Variants in GPHN observed in about 807,000 individuals in gnomAD.
GPHN encodes gephyrin.
Under a neutral mutation model 95.5 loss-of-function variants are expected in GPHN, and 17 were observed. The observed-to-expected ratio is 0.18, with a 90% CI of 0.12 to 0.27. The LOEUF (loss-of-function observed/expected upper bound fraction) is 0.27, where lower values mean the gene tolerates loss of function less well. GPHN is among the 10% of genes least tolerant of loss of function. GPHN has a pLI of 1.00. For synonymous variants in GPHN, 320 were observed against 322.5 expected (o/e 0.99, Z 0.08); for missense variants, 660 against 978.1 (o/e 0.67, Z 4.34).
chr14:67,567,244 G>A, the GPHN span, among the ~76,000 whole-genome samples: 2 of 152,306 alleles, frequency 1.3e-5, no homozygotes, highest in South Asian at 2.1e-4. Context: ...TGGGGAGGGC[G>A]GTGGGGGAAT....
At chr14:67,135,747 T>TC (rs2080040504) in intron 17 of GPHN, among the ~76,000 whole-genome samples, 1 of 152,122 alleles carries the variant, frequency 6.6e-6, no homozygotes, top group African/African-American at 2.4e-5. Context: ...AATTTCCAAG[T>TC]CCAACTCTTC....
At chr14:66,908,846 C>CAAA (rs111376119) in intron 5 of GPHN, among the ~76,000 whole-genome samples, 3 of 121,384 alleles carry the variant, frequency 2.5e-5, no homozygotes, top group Non-Finnish European at 5.3e-5. Flanking sequence ...GGGCATTCTG[C>CAAA]AAAAAAAAAA....
the GPHN span, among the ~76,000 whole-genome samples, chr14:67,318,662 T>A: frequency 1.4e-3 from 220 of 152,322 alleles, 4 homozygotes; most frequent in Non-Finnish European, 2.6e-3. Flanking sequence ...TGAATATTTT[T>A]AAATAAATAA....
chr14:67,297,079 C>T, the GPHN span, among the ~76,000 whole-genome samples: 31 of 152,182 alleles, frequency 2.0e-4, no homozygotes, highest in Admixed American at 1.9e-3. Context: ...AATAATACCA[C>T]ATGTGTGACA....
Position 67,137,263 on chromosome 14 carries a change from A to G in GPHN, c.1749-6099A>G, listed in dbSNP as rs535896865. Among the ~76,000 whole-genome samples the G allele has an allele frequency of 2.6e-5, 4 of 151,538 alleles. No homozygotes were observed. The South Asian group carries it at 6.2e-4, about 24-fold the overall frequency. Reference sequence around the variant, plus strand: ...CAGGTTCATGCCATTCTCCTGCCTCAGCCTCCCGAGTAGCTGGGACTACAG... The same window carrying G: ...CAGGTTCATGCCATTCTCCTGCCTCGGCCTCCCGAGTAGCTGGGACTACAG... On this transcript the variant is annotated intron_variant, in intron 17 of 22. Transcript: ENST00000478722.
At chr14:66,687,114 T>G (rs7143555) in intron 2 of GPHN, among the ~76,000 whole-genome samples, 47,261 of 151,974 alleles carry the variant, frequency 0.31, 11,165 homozygotes, top group African/African-American at 0.64. Flanking sequence ...CTTGATCATG[T>G]TGGATAAGCT....
chr14:66,855,468 T>C (rs1213433154), intron 4 of GPHN, among the ~76,000 whole-genome samples: 1 of 152,210 alleles, frequency 6.6e-6, no homozygotes, highest in Non-Finnish European at 1.5e-5. Flanking sequence ...ACTTTATTGC[T>C]TTTTATGCCT....
Position 66,597,198 on chromosome 14 carries a change from C to T in GPHN, c.65-83909C>T, listed in dbSNP as rs116704579. Reference sequence around the variant, plus strand: ...GGCCCGAAGGCGAGAAGAGACAAACCGGGTTATTGGAAGACATGGATCAAA... The same window carrying T: ...GGCCCGAAGGCGAGAAGAGACAAACTGGGTTATTGGAAGACATGGATCAAA... On this transcript the variant is annotated intron_variant, in intron 1 of 22. Coordinates refer to ENST00000478722, the MANE Select transcript of GPHN (RefSeq NM_020806.5). Among the ~76,000 whole-genome samples, 1,131 of 152,144 alleles carry T rather than the reference C, an allele frequency of 7.4e-3. 7 individuals are homozygous for T. Among genetic ancestry groups the T allele is most frequent in the African/African-American group, 0.026 (1,062 of 41,516 alleles).
chr14:66,816,638 G>T (rs909720774), intron 3 of GPHN, among the ~76,000 whole-genome samples: 2 of 151,986 alleles, frequency 1.3e-5, no homozygotes, highest in Non-Finnish European at 2.9e-5. Flanking sequence ...AGAATCTCTG[G>T]GACACAGATA....
rs1416186338 is a variant in GPHN at position 67,180,708 on chromosome 14, G to A, written c.2177-96G>A. The stretch of plus-strand genomic sequence containing the variant: ...TCATCCCTTCTCCTCTTGAAGACCC[G>A]CATTTCTGTCTGTTTACATTTTGAA... On this transcript the variant is annotated intron_variant, in intron 22 of 22. Transcript: ENST00000478722. 2.4e-5 allele frequency: 29 copies of A among 1,205,738 alleles called. No homozygotes were observed. The East Asian group carries it at 3.3e-4, about 14-fold the overall frequency. 74.7% of individuals were successfully genotyped at this position (1,205,738 alleles called of 1,614,324 possible).
chr14:66,684,105 G>A (rs1566814175), intron 2 of GPHN, among the ~76,000 whole-genome samples: 1 of 152,074 alleles, frequency 6.6e-6, no homozygotes, highest in Non-Finnish European at 1.5e-5. Flanking sequence ...ATTAGAATAA[G>A]ATGTGTGTTG....
chr14:67,672,449 T>TTC, the GPHN span, among the ~76,000 whole-genome samples: 3 of 111,914 alleles, frequency 2.7e-5, no homozygotes, highest in Admixed American at 1.8e-4. Context: ...TTTCTTTTCT[T>TTC]TTTTTTTTTT....
chr14:67,560,071 G>C, the GPHN span, among the ~76,000 whole-genome samples: 1 of 152,158 alleles, frequency 6.6e-6, no homozygotes, highest in Admixed American at 6.5e-5. Flanking sequence ...CTCTCGCCCA[G>C]GCTGGAGTGT....
At chr14:66,542,720 C>T (rs1159480315) in intron 1 of GPHN, among the ~76,000 whole-genome samples, 1 of 152,182 alleles carries the variant, frequency 6.6e-6, no homozygotes, top group African/African-American at 2.4e-5. Context: ...TACCAGATAA[C>T]AGTTATTTGC....
chr14:67,582,146 T>C, the GPHN span: 1 of 1,613,656 alleles, frequency 6.2e-7, no homozygotes, highest in Non-Finnish European at 8.5e-7. The surrounding 1 kb of genome is among the most constrained non-coding windows in gnomAD (Gnocchi z 5.0). Flanking sequence ...AGTAGAGAGA[T>C]AGTGGCAGGG....
chr14:66,674,692 A>G (rs1430995776), intron 1 of GPHN, among the ~76,000 whole-genome samples: 1 of 152,170 alleles, frequency 6.6e-6, no homozygotes, highest in Non-Finnish European at 1.5e-5. Context: ...TATATACGAC[A>G]CATCATTCTC....
chr14:66,776,375 G>T, intron 2 of GPHN, 89 bp from the exon 3 acceptor site: 1 of 822,348 alleles, frequency 1.2e-6, no homozygotes, highest in South Asian at 1.3e-5. Flanking sequence ...GGGAGTTATT[G>T]GTAGCATTCT....
the GPHN span, among the ~76,000 whole-genome samples, chr14:67,229,192 C>T: frequency 6.6e-6 from 1 of 152,204 alleles, no homozygotes; most frequent in Non-Finnish European, 1.5e-5. Context: ...AACAGCCAAG[C>T]TAAACGCAAA....
At chr14:66,610,460 T>A (rs1318821998) in intron 1 of GPHN, among the ~76,000 whole-genome samples, 2 of 152,056 alleles carry the variant, frequency 1.3e-5, no homozygotes, top group Non-Finnish European at 2.9e-5. Context: ...CTCTGAAGAT[T>A]TGTTCAAAGT....
Sources: gnomAD v4.1 joint callset for allele counts (sites outside exome capture counted in the v4.1 genomes callset) on GRCh38, gnomAD v4.1.1 for gene constraint, Gnocchi (gnomAD v3.1) non-coding constraint, MANE v1.5 for transcripts, NCBI Gene and HGNC (gene_info 2026-07-23, HGNC 2026-07-21) for gene names.